SEC14L1: variants seen among roughly 807,000 people sequenced by gnomAD.
The protein encoded by SEC14L1 is SEC14-like protein 1.
SEC14L1 carries 48 observed loss-of-function variants against 85.3 expected under a neutral mutation model. That is an observed-to-expected ratio of 0.56 (90% CI 0.45 to 0.72). The LOEUF (loss-of-function observed/expected upper bound fraction) is 0.72. Among genes scored for constraint, SEC14L1 ranks in the 30% least tolerant of loss-of-function variants. The probability of loss-of-function intolerance (pLI) is 0.00; values close to 1 mark genes in which losing one functional copy is unlikely to be tolerated. For synonymous variants in SEC14L1, 391 were observed against 355.5 expected, an observed-to-expected ratio of 1.10 and a Z score of -1.12; for missense variants, 682 against 921.4, an observed-to-expected ratio of 0.74 and a Z score of 3.36.
At chr17:77,211,170 A>G (rs1336458120) in intron 14 of SEC14L1, 1 of 152,304 alleles carries the variant, frequency 6.6e-6, no homozygotes, top group African/African-American at 2.4e-5. Context: ...CTCGTAGAGC[A>G]GCCACGCGCT....
intron 3 of SEC14L1, among the ~76,000 whole-genome samples, chr17:77,148,376 T>C (rs1343750665): frequency 6.6e-6 from 1 of 152,180 alleles, no homozygotes; most frequent in Non-Finnish European, 1.5e-5. Context: ...GTCCTCATTG[T>C]GACCAGTGGG....
chr17:77,095,215 A>G (rs1407409509), intron 3 of SEC14L1, among the ~76,000 whole-genome samples: 1 of 152,222 alleles, frequency 6.6e-6, no homozygotes, highest in African/African-American at 2.4e-5. Context: ...TAGCGTGGAA[A>G]ATGGACAGAG....
Position 77,191,043 on chromosome 17 carries a change from A to G in SEC14L1, c.213+91A>G, listed in dbSNP as rs668255. On this transcript the variant is annotated intron_variant, in intron 4 of 16. Coordinates refer to ENST00000436233, the MANE Select transcript of SEC14L1 (RefSeq NM_001143998.2). ...AGAGGGCGTCCTGGAGGGAGAGGGC[A>G]TCCTGGAGGGAGAGGGCGTCCTGGA... 3.0e-3 allele frequency: 4,419 copies of G among 1,485,738 alleles called. 18 individuals are homozygous for G. Among genetic ancestry groups the G allele is most frequent in the African/African-American group, 0.011 (748 of 68,618 alleles). The allele number at this position is 1,485,738 out of a possible 1,614,324, so 92.0% of individuals were successfully genotyped here.
At chr17:77,125,498 C>T (rs1972422870) in intron 3 of SEC14L1, among the ~76,000 whole-genome samples, 1 of 151,014 alleles carries the variant, frequency 6.6e-6, no homozygotes, top group Admixed American at 6.6e-5. Flanking sequence ...CTATAAATCA[C>T]AGAACAATAA....
At chr17:77,135,832 G>A (rs556169867) in intron 3 of SEC14L1, among the ~76,000 whole-genome samples, 5 of 151,276 alleles carry the variant, frequency 3.3e-5, no homozygotes, top group South Asian at 2.1e-4. Context: ...TGTATCTGGC[G>A]CCTCTCTCTC....
In SEC14L1 at chr17:77,193,462, T is replaced by G. The variant is rs558681272; in HGVS notation, c.387T>G (p.Ser129=). The G allele has an allele frequency of 9.9e-6, 16 of 1,612,746 alleles. No homozygotes were observed. The highest frequency in any genetic ancestry group is 1.1e-5 in the Non-Finnish European group (13 of 1,179,108). ...AAGATTGGACCTGTTTTGAACAGTCTGCAAGTTTAGATATTAAATCTTTCT... is the reference window on the plus strand; with the variant it reads ...AAGATTGGACCTGTTTTGAACAGTCGGCAAGTTTAGATATTAAATCTTTCT... The part of the protein sequence containing the change: ...ENEDWTCFEQ[S]ASLDIKSFFG... Residue 129 remains serine, a synonymous_variant, in exon 6 of 17, where the codon TCT becomes TCG. Coordinates refer to ENST00000436233, the MANE Select transcript of SEC14L1 (RefSeq NM_001143998.2).
At chr17:77,152,152 A>T (rs1487313790) in intron 3 of SEC14L1, among the ~76,000 whole-genome samples, 1 of 151,962 alleles carries the variant, frequency 6.6e-6, no homozygotes, top group Non-Finnish European at 1.5e-5. Flanking sequence ...TTCTTTTTTT[A>T]AATTTGAAAT....
At chr17:77,183,141 T>C (rs1014145363) in intron 3 of SEC14L1, among the ~76,000 whole-genome samples, 4 of 152,272 alleles carry the variant, frequency 2.6e-5, no homozygotes, top group Non-Finnish European at 4.4e-5. Flanking sequence ...TACCAATCTG[T>C]GTAGCCTCTG....
chr17:77,174,270 A>T (rs771327840), intron 3 of SEC14L1, among the ~76,000 whole-genome samples: 15 of 151,902 alleles, frequency 9.9e-5, no homozygotes, highest in Non-Finnish European at 1.9e-4. Flanking sequence ...GATTTCTTGC[A>T]TTCTTTTGCT....
At chr17:77,204,532 T>G in intron 10 of SEC14L1, among the ~76,000 whole-genome samples, 1 of 148,676 alleles carries the variant, frequency 6.7e-6, no homozygotes, top group South Asian at 2.3e-4. Context: ...CTTTTTTTTT[T>G]TTTTTTTTTT....
At chr17:77,197,629 T>TA (rs1334357517) in intron 8 of SEC14L1, among the ~76,000 whole-genome samples, 95 of 152,188 alleles carry the variant, frequency 6.2e-4, no homozygotes, top group Admixed American at 4.5e-3. Flanking sequence ...TTTTTTTTTT[T>TA]TATATATGTA....
At chr17:77,098,661 A>G (rs1971702283) in intron 3 of SEC14L1, among the ~76,000 whole-genome samples, 1 of 152,012 alleles carries the variant, frequency 6.6e-6, no homozygotes, top group Non-Finnish European at 1.5e-5. Context: ...CGTGCCCTTC[A>G]CTGCAGTGAT....
At chr17:77,089,260 C>T (rs1219840917) in exon 2 of SEC14L1, 2 of 402,950 alleles carry the variant, frequency 5.0e-6, no homozygotes, top group Non-Finnish European at 9.8e-6. Flanking sequence ...GTGACCTCAG[C>T]AGGGCATCCA....
intron 1 of SEC14L1, among the ~76,000 whole-genome samples, chr17:77,142,363 C>T (rs1471176124): frequency 1.3e-5 from 2 of 151,854 alleles, no homozygotes; most frequent in African/African-American, 4.8e-5. Flanking sequence ...TCCCTTGAGC[C>T]CAGGAGTTTG....
intron 7 of SEC14L1, among the ~76,000 whole-genome samples, chr17:77,195,905 C>T (rs1975787011): frequency 6.6e-6 from 1 of 151,970 alleles, no homozygotes; most frequent in South Asian, 2.1e-4. Context: ...GGAATTAAAA[C>T]AGTCATTAAT....
intron 1 of SEC14L1, chr17:77,141,456 G>GC (rs1328836389): frequency 6.6e-6 from 1 of 151,230 alleles, no homozygotes; most frequent in Non-Finnish European, 1.5e-5. Flanking sequence ...CGGGGCTTTG[G>GC]CCCCGTGGGG....
In SEC14L1 at chr17:77,216,586, A is replaced by G. The variant is rs1977112025; in HGVS notation, c.*2563A>G. 1 of 1,613,196 alleles carries G rather than the reference A, an allele frequency of 6.2e-7. No homozygotes were observed. The highest frequency in any genetic ancestry group is 8.5e-7 in the Non-Finnish European group (1 of 1,179,452). ...CTGACAGCTGCCAAGAAAATGCTTC[A>G]CTCAACAGTCCTCATGTGCCCAGAG... is the stretch of plus-strand genomic sequence containing the variant. On this transcript the variant is annotated 3_prime_UTR_variant, in exon 17 of 17. Transcript: ENST00000436233.
At chr17:77,173,905 C>CT (rs531473521) in intron 3 of SEC14L1, among the ~76,000 whole-genome samples, 2,319 of 141,830 alleles carry the variant, frequency 0.016, 45 homozygotes, top group Admixed American at 0.043. Flanking sequence ...TTCTTTTTTT[C>CT]TTTTTTTTTT....
chr17:77,214,199 T>C lies in SEC14L1; in HGVS notation c.*176T>C. 2 of 1,408,592 alleles carry C rather than the reference T, an allele frequency of 1.4e-6. No individual in the cohort carries two copies. Among genetic ancestry groups the C allele is most frequent in the Non-Finnish European group, 1.8e-6 (2 of 1,085,106 alleles). 87.3% of individuals were successfully genotyped at this position (1,408,592 alleles called of 1,614,324 possible). ...CCCAAAACTACCTTGGCAGGTAGTT[T>C]TAACTCTGATCCTAACTTAACTCAA... On this transcript the variant is annotated 3_prime_UTR_variant, in exon 17 of 17. Transcript: ENST00000436233.
Sources: gnomAD v4.1 joint callset for allele counts (sites outside exome capture counted in the v4.1 genomes callset) on GRCh38, gnomAD v4.1.1 for gene constraint, MANE v1.5 for transcripts, NCBI Gene and HGNC (gene_info 2026-07-23, HGNC 2026-07-21) for gene names.